Variants in ASAP1 observed in about 807,000 individuals in gnomAD.
ASAP1 encodes arf-GAP with SH3 domain, ANK repeat and PH domain-containing protein 1.
ASAP1 carries 43 observed loss-of-function variants against 145.2 expected under a neutral mutation model. The observed-to-expected ratio is 0.30, with a 90% confidence interval of 0.23 to 0.38. ASAP1 has a LOEUF of 0.38. Ranked by LOEUF, ASAP1 falls within the 10% of genes least tolerant of loss-of-function variation. The probability of loss-of-function intolerance (pLI) is 1.00; values close to 1 mark genes in which losing one functional copy is unlikely to be tolerated. For synonymous variants in ASAP1, 546 were observed against 515.5 expected (o/e 1.06, Z -0.80); for missense variants, 1,018 against 1,355.3 (o/e 0.75, Z 3.91).
intron 3 of ASAP1, among the ~76,000 whole-genome samples, chr8:130,283,587 G>GAAAAAAAAA (rs71304303): frequency 1.4e-4 from 3 of 20,840 alleles, no homozygotes; most frequent in African/African-American, 5.1e-4. Flanking sequence ...ATCACAGAAA[G>GAAAAAAAAA]AAAAAAAAAA....
At chr8:130,384,103 C>A (rs1448088681) in intron 2 of ASAP1, among the ~76,000 whole-genome samples, 2 of 152,178 alleles carry the variant, frequency 1.3e-5, no homozygotes, top group Non-Finnish European at 2.9e-5. Context: ...GATGGCAAGT[C>A]AACATCCCAC....
chr8:130,403,301 T>TTTTAAA (rs60441663), intron 1 of ASAP1, among the ~76,000 whole-genome samples: 3,640 of 151,070 alleles, frequency 0.024, 129 homozygotes, highest in African/African-American at 0.076. Context: ...TGTTTTTTTT[T>TTTTAAA]AAAAAACCCA....
chr8:130,182,767 A>G (rs1197067519), intron 7 of ASAP1, among the ~76,000 whole-genome samples: 1 of 149,916 alleles, frequency 6.7e-6, no homozygotes, highest in East Asian at 2.0e-4. Flanking sequence ...ATTTTACAAA[A>G]TGTCATTAAA....
rs1829585656 is a variant in ASAP1 at position 130,418,571 on chromosome 8, T to TAAAA, written c.-27-16605_-27-16602dup. ...ATAAATAAATAAATAAATAAATAAA[T>TAAAA]AAAATAAAGTGTACAATTCAATGGT... On this transcript the variant is annotated intron_variant, in intron 1 of 29. Coordinates refer to ENST00000518721, the MANE Select transcript of ASAP1 (RefSeq NM_018482.4). 2.1e-5 allele frequency among the ~76,000 whole-genome samples: 3 copies of TAAAA among 139,558 alleles called. No individual in the cohort carries two copies. In the South Asian group the frequency reaches 7.0e-4, roughly 32 times the overall value. The allele number at this position is 139,558 out of a possible 152,430, so 91.6% of individuals were successfully genotyped here.
At chr8:130,425,143 C>G (rs945196696) in intron 1 of ASAP1, among the ~76,000 whole-genome samples, 14 of 151,978 alleles carry the variant, frequency 9.2e-5, no homozygotes, top group East Asian at 1.9e-4. Flanking sequence ...ATCAGCCTGG[C>G]CAACATGGCC....
intron 3 of ASAP1, among the ~76,000 whole-genome samples, chr8:130,323,083 GACA>G (rs1458556644): frequency 6.6e-6 from 1 of 152,190 alleles, no homozygotes; most frequent in Non-Finnish European, 1.5e-5. Context: ...AGTCATTACA[GACA>G]ACTACTGCAC....
At chr8:130,142,641 G>A (rs2097614938) in intron 13 of ASAP1, among the ~76,000 whole-genome samples, 1 of 152,208 alleles carries the variant, frequency 6.6e-6, no homozygotes, top group Non-Finnish European at 1.5e-5. Context: ...GTTCCACACA[G>A]GCAGCCTCAA....
intron 7 of ASAP1, among the ~76,000 whole-genome samples, chr8:130,183,702 A>G (rs1234697380): frequency 6.6e-6 from 1 of 152,190 alleles, no homozygotes; most frequent in Non-Finnish European, 1.5e-5. Context: ...ATTTATAACT[A>G]TCACTTTTTG....
At chr8:130,262,827 C>A (rs939167938) in intron 3 of ASAP1, among the ~76,000 whole-genome samples, 1 of 152,134 alleles carries the variant, frequency 6.6e-6, no homozygotes, top group African/African-American at 2.4e-5. Context: ...TGTTCCATGA[C>A]CCTAAAGACA....
At chr8:130,406,330 T>C (rs111814988) in intron 1 of ASAP1, among the ~76,000 whole-genome samples, 1 of 152,200 alleles carries the variant, frequency 6.6e-6, no homozygotes, top group Non-Finnish European at 1.5e-5. Context: ...ATGATGATGA[T>C]GATAATGATG....
At chr8:130,127,826 G>T in intron 16 of ASAP1, 101 bp downstream of exon 16, 4 of 1,296,728 alleles carry the variant, frequency 3.1e-6, no homozygotes, top group Non-Finnish European at 4.2e-6. Flanking sequence ...GTATGTGAGT[G>T]TGTCCATAGG....
At position 130,068,300 on chromosome 8, in the gene ASAP1, A is replaced by C. The variant is rs192056999; in HGVS notation, c.2702-7231T>G. On this transcript the variant is annotated intron_variant, in intron 27 of 29. Transcript: ENST00000518721. ...CTCAGATGTGGGTCTGCCTGAGCTT[A>C]GTCCACTAGCCTTAAAGTTACCCAC... Among the ~76,000 whole-genome samples the C allele has an allele frequency of 5.3e-5, 8 of 152,354 alleles. No individual in the cohort carries two copies. In the East Asian group the frequency reaches 1.5e-3, roughly 29 times the overall value.
intron 3 of ASAP1, among the ~76,000 whole-genome samples, chr8:130,291,910 G>A (rs890937366): frequency 7.2e-5 from 11 of 152,162 alleles, no homozygotes; most frequent in African/African-American, 2.4e-4. Context: ...TAATGTGCAC[G>A]TATTCCGTAA....
chr8:130,241,209 G>A (rs1818507774), intron 3 of ASAP1, among the ~76,000 whole-genome samples: 1 of 152,026 alleles, frequency 6.6e-6, no homozygotes, highest in Non-Finnish European at 1.5e-5. Flanking sequence ...ACAAGCCTCG[G>A]ATTAAGAGTC....
intron 3 of ASAP1, among the ~76,000 whole-genome samples, chr8:130,357,141 A>T (rs1826363786): frequency 6.6e-6 from 1 of 152,068 alleles, no homozygotes; most frequent in Non-Finnish European, 1.5e-5. Flanking sequence ...CTTTGCCCAT[A>T]CCACTCTCTC....
chr8:130,400,545 T>C (rs1828741121), intron 2 of ASAP1, among the ~76,000 whole-genome samples: 1 of 151,360 alleles, frequency 6.6e-6, no homozygotes, highest in Admixed American at 6.6e-5. Flanking sequence ...TCCAGCACTT[T>C]GGGAGGCCGA....
intron 3 of ASAP1, among the ~76,000 whole-genome samples, chr8:130,298,465 C>T (rs1822421937): frequency 1.3e-5 from 2 of 152,192 alleles, no homozygotes; most frequent in South Asian, 2.1e-4. Context: ...ACCAATAGCT[C>T]TCACTGGGTC....
At chr8:130,144,618 T>A (rs998871178) in intron 13 of ASAP1, among the ~76,000 whole-genome samples, 1 of 152,206 alleles carries the variant, frequency 6.6e-6, no homozygotes, top group Admixed American at 6.5e-5. Context: ...AGTTCCCTCA[T>A]CTTCCCTCCA....
At chr8:130,092,993 C>T (rs2097508820) in intron 24 of ASAP1, among the ~76,000 whole-genome samples, 2 of 148,480 alleles carry the variant, frequency 1.3e-5, no homozygotes, top group Non-Finnish European at 3.0e-5. Context: ...AAGAACTGGA[C>T]GTAAAGCATT....
Sources: allele counts gnomAD v4.1 joint callset (sites outside exome capture counted in the v4.1 genomes callset), GRCh38; gene constraint gnomAD v4.1.1; transcripts MANE v1.5; gene names NCBI Gene and HGNC (gene_info 2026-07-23, HGNC 2026-07-21).